The following RELB variants were observed in gnomAD, a reference collection of about 807,000 sequenced individuals.
The protein encoded by RELB is transcription factor RelB.
Under a neutral mutation model 55.4 loss-of-function variants are expected in RELB, and 14 were observed. The ratio of observed to expected loss-of-function variants is 0.25; its 90% CI spans 0.17 to 0.40. The LOEUF (loss-of-function observed/expected upper bound fraction) is 0.40. RELB is among the 10% of genes least tolerant of loss of function. The pLI is 1.00. For missense variants in RELB, 669 were observed against 830.7 expected, an observed-to-expected ratio of 0.81 and a Z score of 2.39; for synonymous variants, 409 against 371.3, an observed-to-expected ratio of 1.10 and a Z score of -1.17.
At chr19:45,024,457 C>T (rs1001219423) in intron 5 of RELB, among the ~76,000 whole-genome samples, 1 of 151,512 alleles carries the variant, frequency 6.6e-6, no homozygotes, top group Non-Finnish European at 1.5e-5. Context: ...CCACCACGCC[C>T]GGCCTGAAGT....
chr19:45,016,647 C>T (rs1020623434), intron 4 of RELB, among the ~76,000 whole-genome samples: 1 of 151,796 alleles, frequency 6.6e-6, no homozygotes, highest in Non-Finnish European at 1.5e-5. Context: ...AGTTAGACCT[C>T]GTCTCAAAAA....
intron 2 of RELB, among the ~76,000 whole-genome samples, chr19:45,009,489 C>A (rs1971323241): frequency 2.0e-5 from 3 of 152,192 alleles, no homozygotes; most frequent in Non-Finnish European, 1.5e-5. Flanking sequence ...CCACTTTTTC[C>A]TGGTGCTAAG....
intron 10 of RELB, 42 bp from the exon 11 acceptor site, chr19:45,034,409 G>A (rs1440573644): frequency 1.9e-6 from 3 of 1,610,618 alleles, no homozygotes; most frequent in East Asian, 4.5e-5. Context: ...GGGGAGGAAG[G>A]GCTGTCGGGG....
At chr19:45,005,062 T>C (rs578152275) in intron 2 of RELB, among the ~76,000 whole-genome samples, 29 of 152,006 alleles carry the variant, frequency 1.9e-4, no homozygotes, top group African/African-American at 7.0e-4. Context: ...TCCCAGCTAC[T>C]TGGGAGGCTG....
chr19:45,029,076 G>T (rs769473322), intron 8 of RELB, 84 bp downstream of exon 8: 6 of 923,548 alleles, frequency 6.5e-6, no homozygotes, highest in East Asian at 5.3e-5. Flanking sequence ...AAGATGAAAG[G>T]ATGAGAAAGA....
intron 5 of RELB, among the ~76,000 whole-genome samples, 153 bp downstream of exon 5, chr19:45,022,363 G>C (rs1046749203): frequency 6.6e-6 from 1 of 152,068 alleles, no homozygotes; most frequent in Non-Finnish European, 1.5e-5. Flanking sequence ...GACAGTGGAG[G>C]GCCTCACTTA....
intron 5 of RELB, among the ~76,000 whole-genome samples, chr19:45,023,604 T>C (rs868270226): frequency 7.0e-6 from 1 of 143,652 alleles, no homozygotes. Context: ...CACCCGGCTA[T>C]TTTTTTTGTA....
At chr19:45,006,133 A>G (rs191067337) in intron 2 of RELB, among the ~76,000 whole-genome samples, 51 of 152,358 alleles carry the variant, frequency 3.3e-4, no homozygotes, top group Non-Finnish European at 6.9e-4. Flanking sequence ...GGCTATGAAG[A>G]AACCTTGGGG....
At chr19:45,009,787 CTCTT>C in intron 2 of RELB, 23 bp from the exon 3 acceptor site, 1 of 1,593,922 alleles carries the variant, frequency 6.3e-7, no homozygotes. Context: ...CCTTACCTTT[CTCTT>C]TCTCTTTCTC....
At chr19:45,037,182 G>C (rs191524638) in intron 11 of RELB, among the ~76,000 whole-genome samples, 10 of 152,008 alleles carry the variant, frequency 6.6e-5, no homozygotes, top group Admixed American at 5.9e-4. Context: ...TCAGGAGACT[G>C]AGGCAGGGGA....
Position 45,007,783 on chromosome 19 carries a change from G to T in RELB, c.155-2031G>T, listed in dbSNP as rs1046809720. On this transcript the variant is annotated intron_variant, in intron 2 of 11. Coordinates refer to ENST00000221452, the MANE Select transcript of RELB (RefSeq NM_006509.4). ...TGAGGCAGGAGAATCGCTAGAACCC[G>T]GGAGGCAGAGGTTGCAGTGAGCCAA... Among the ~76,000 whole-genome samples the T allele has an allele frequency of 4.0e-5, 6 of 150,498 alleles. No homozygotes were observed. In the South Asian group the frequency reaches 1.1e-3, roughly 27 times the overall value.
Position 45,001,518 on chromosome 19 carries a change from CTCGTCCGACCCGCGA to C in RELB, c.-55_-41del. 1.0e-6 allele frequency: 1 copy of C among 957,054 alleles called. No individual in the cohort carries two copies. The highest frequency in any genetic ancestry group is 1.4e-6 in the Non-Finnish European group (1 of 718,062). 59.3% of individuals were successfully genotyped at this position (957,054 alleles called of 1,614,324 possible). A position where few individuals can be genotyped will look rare whatever the true frequency, so the allele number is the denominator to read the frequency against. On this transcript the variant is annotated 5_prime_UTR_variant, in exon 1 of 12. Coordinates refer to ENST00000221452, the MANE Select transcript of RELB (RefSeq NM_006509.4). The stretch of plus-strand genomic sequence containing the variant: ...GCCTGCGGCCCCAGCCCTTGCGCCG[CTCGTCCGACCCGCGA>C]TCGTCCACCAGACCGTGCCTCCCGG...
chr19:45,023,037 C>T (rs1971509093), intron 5 of RELB, among the ~76,000 whole-genome samples: 1 of 152,178 alleles, frequency 6.6e-6, no homozygotes, highest in African/African-American at 2.4e-5. Context: ...GCAGCACGCA[C>T]TTCAGAGGTA....
intron 11 of RELB, among the ~76,000 whole-genome samples, chr19:45,035,338 G>T (rs1020701362): frequency 9.2e-5 from 14 of 151,738 alleles, no homozygotes; most frequent in Non-Finnish European, 1.6e-4. Flanking sequence ...GGCCAACGTG[G>T]TAAAACCCTG....
intron 1 of RELB, among the ~76,000 whole-genome samples, 154 bp from the exon 2 acceptor site, chr19:45,002,795 G>T (rs549498172): frequency 6.6e-5 from 10 of 152,220 alleles, no homozygotes; most frequent in African/African-American, 2.2e-4. Context: ...TGATTTAGCT[G>T]GTAAGCCTGG....
intron 4 of RELB, among the ~76,000 whole-genome samples, chr19:45,019,392 A>G (rs1293142901): frequency 1.3e-5 from 2 of 152,158 alleles, no homozygotes; most frequent in East Asian, 3.9e-4. Context: ...TGACTCATTT[A>G]CAAATGAATT....
intron 4 of RELB, among the ~76,000 whole-genome samples, chr19:45,018,232 G>A (rs912563667): frequency 2.0e-5 from 3 of 151,910 alleles, no homozygotes; most frequent in Non-Finnish European, 2.9e-5. Flanking sequence ...GTGAAACCCC[G>A]TCTCTACTAA....
intron 11 of RELB, among the ~76,000 whole-genome samples, chr19:45,036,657 C>T (rs1004908824): frequency 1.8e-4 from 28 of 152,168 alleles, no homozygotes; most frequent in African/African-American, 6.5e-4. Flanking sequence ...CTTCCATTTA[C>T]TTTCCCTCAG....
chr19:45,024,371 C>G (rs113453789), intron 5 of RELB, among the ~76,000 whole-genome samples: 1,733 of 150,352 alleles, frequency 0.012, 35 homozygotes, highest in African/African-American at 0.04. Context: ...ACCGTGTTAG[C>G]CAAGGTGGTC....
Sources: gnomAD v4.1 joint callset for allele counts (sites outside exome capture counted in the v4.1 genomes callset) on GRCh38, gnomAD v4.1.1 for gene constraint, MANE v1.5 for transcripts, NCBI Gene and HGNC (gene_info 2026-07-23, HGNC 2026-07-21) for gene names.